GNAQ: variants seen among roughly 807,000 people sequenced by gnomAD.
GNAQ encodes the protein G protein subunit alpha q, also known as guanine nucleotide-binding protein G(q) subunit alpha.
A neutral mutation model predicts 43.9 loss-of-function variants in GNAQ; 8 were observed. The ratio of observed to expected loss-of-function variants is 0.18; its 90% CI spans 0.11 to 0.33. GNAQ has a LOEUF of 0.33. GNAQ is among the 10% of genes least tolerant of loss of function. The pLI is 1.00. For missense variants in GNAQ, 158 were observed against 450.8 expected (o/e 0.35, Z 5.88); for synonymous variants, 155 against 170.7 (o/e 0.91, Z 0.71).
intron 6 of GNAQ, 116 bp from the exon 7 acceptor site, chr9:77,721,629 A>G (rs759108484): frequency 2.5e-5 from 17 of 688,018 alleles, no homozygotes; most frequent in Non-Finnish European, 4.3e-5. Flanking sequence ...TGCACTGCAG[A>G]TTTGATCTGT....
intron 5 of GNAQ, among the ~76,000 whole-genome samples, chr9:77,759,113 T>C (rs1825949926): frequency 6.6e-6 from 1 of 152,202 alleles, no homozygotes; most frequent in African/African-American, 2.4e-5. Flanking sequence ...TGTAGATTCA[T>C]GTGAAAAGAA....
At chr9:77,890,871 G>A (rs894379815) in intron 2 of GNAQ, among the ~76,000 whole-genome samples, 7 of 152,194 alleles carry the variant, frequency 4.6e-5, no homozygotes, top group African/African-American at 7.2e-5. Context: ...GGTGGGGCAC[G>A]TTTAGTTGCT....
intron 2 of GNAQ, among the ~76,000 whole-genome samples, chr9:77,882,124 C>G (rs1215915705): frequency 1.3e-5 from 2 of 151,644 alleles, no homozygotes; most frequent in Non-Finnish European, 2.9e-5. Context: ...GGAGACAGAG[C>G]AAGACTCCCT....
chr9:77,764,134 A>C (rs960141809), intron 5 of GNAQ, among the ~76,000 whole-genome samples: 2 of 152,184 alleles, frequency 1.3e-5, no homozygotes, highest in South Asian at 4.1e-4. Flanking sequence ...CTATACTCCT[A>C]AACAAGAAAG....
At chr9:77,954,064 A>C (rs2026009) in intron 1 of GNAQ, among the ~76,000 whole-genome samples, 116,406 of 152,086 alleles carry the variant, frequency 0.77, 44,941 homozygotes, top group African/African-American at 0.84. Flanking sequence ...TGAAACTCTA[A>C]CATGAAAACT....
chr9:77,851,813 A>G (rs17724856), intron 2 of GNAQ, among the ~76,000 whole-genome samples: 8,899 of 152,206 alleles, frequency 0.058, 406 homozygotes, highest in Admixed American at 0.13. Flanking sequence ...TTTACAGTCC[A>G]TCGTTTCCAA....
intron 5 of GNAQ, among the ~76,000 whole-genome samples, chr9:77,764,222 C>G (rs1429192552): frequency 6.6e-6 from 1 of 152,138 alleles, no homozygotes; most frequent in Admixed American, 6.5e-5. Context: ...CTATGAAACT[C>G]AGGGATCATC....
intron 5 of GNAQ, among the ~76,000 whole-genome samples, chr9:77,764,603 C>T (rs1462328253): frequency 6.6e-6 from 1 of 151,984 alleles, no homozygotes; most frequent in Non-Finnish European, 1.5e-5. Context: ...CTACAGGTGC[C>T]CGCCACCATG....
intron 1 of GNAQ, among the ~76,000 whole-genome samples, chr9:77,964,774 G>T (rs1374740728): frequency 6.6e-6 from 1 of 152,164 alleles, no homozygotes; most frequent in Non-Finnish European, 1.5e-5. Flanking sequence ...CATATTAAGT[G>T]TGAAATACCA....
At chr9:77,743,382 C>G (rs1418958789) in intron 5 of GNAQ, among the ~76,000 whole-genome samples, 4 of 152,164 alleles carry the variant, frequency 2.6e-5, no homozygotes, top group African/African-American at 4.8e-5. Context: ...TGAAGTAACT[C>G]TTCAGGTATC....
intron 5 of GNAQ, among the ~76,000 whole-genome samples, chr9:77,756,329 A>G (rs550977161): frequency 1.2e-4 from 19 of 152,228 alleles, no homozygotes; most frequent in Admixed American, 2.6e-4. Flanking sequence ...ATGGTTGTGG[A>G]TTTCTGAAAA....
intron 1 of GNAQ, among the ~76,000 whole-genome samples, chr9:77,942,404 G>A (rs1808565298): frequency 6.6e-6 from 1 of 152,150 alleles, no homozygotes; most frequent in South Asian, 2.1e-4. Context: ...CATGTTTTGG[G>A]TTGAGTTGTT....
At chr9:77,854,821 G>A (rs1014839037) in intron 2 of GNAQ, among the ~76,000 whole-genome samples, 1 of 152,118 alleles carries the variant, frequency 6.6e-6, no homozygotes, top group African/African-American at 2.4e-5. Flanking sequence ...TATCGATCCT[G>A]CTTTTCTATG....
At chr9:77,807,498 C>A (rs928390290) in intron 3 of GNAQ, among the ~76,000 whole-genome samples, 2 of 152,194 alleles carry the variant, frequency 1.3e-5, no homozygotes, top group African/African-American at 4.8e-5. Context: ...CATTTCTGGT[C>A]ATTCATGCCA....
chr9:77,829,926 T>C (rs1827269940), intron 2 of GNAQ, among the ~76,000 whole-genome samples: 2 of 152,188 alleles, frequency 1.3e-5, no homozygotes, highest in Non-Finnish European at 2.9e-5. Context: ...AACATTGTGA[T>C]TTAATTGGTC....
intron 5 of GNAQ, among the ~76,000 whole-genome samples, chr9:77,766,359 T>TA: frequency 6.6e-6 from 1 of 152,224 alleles, no homozygotes; most frequent in Non-Finnish European, 1.5e-5. Flanking sequence ...TCACATGTAA[T>TA]AATTAGCTTG....
chr9:77,962,476 C>CA (rs1369578639), intron 1 of GNAQ, among the ~76,000 whole-genome samples: 11 of 151,700 alleles, frequency 7.3e-5, no homozygotes, highest in African/African-American at 2.2e-4. Flanking sequence ...TTACTGCTTA[C>CA]AAAAAACACT....
chr9:77,771,484 TGA>T (rs760120745), intron 5 of GNAQ, among the ~76,000 whole-genome samples: 16 of 152,322 alleles, frequency 1.1e-4, no homozygotes, highest in African/African-American at 3.6e-4. Context: ...TAACAGAAAA[TGA>T]GAGATATATT....
chr9:77,961,502 T>G (rs1490482305), intron 1 of GNAQ, among the ~76,000 whole-genome samples: 1 of 151,998 alleles, frequency 6.6e-6, no homozygotes, highest in Non-Finnish European at 1.5e-5. Flanking sequence ...TACACGTGAG[T>G]GGGGTGAGAA....
Sources: allele counts gnomAD v4.1 joint callset (sites outside exome capture counted in the v4.1 genomes callset), GRCh38; gene constraint gnomAD v4.1.1; transcripts MANE v1.5; gene names NCBI Gene and HGNC (gene_info 2026-07-23, HGNC 2026-07-21).